The following SCMH1 variants were observed in gnomAD, a reference collection of about 807,000 sequenced individuals.
SCMH1 encodes polycomb protein SCMH1.
In SCMH1, 37 loss-of-function variants were observed where a neutral mutation model predicts 70.8. That is an observed-to-expected ratio of 0.52 (90% CI 0.40 to 0.69). The LOEUF (loss-of-function observed/expected upper bound fraction) is 0.69. Ranked by LOEUF, SCMH1 falls within the 30% of genes least tolerant of loss-of-function variation. SCMH1 has a pLI of 0.00. For synonymous variants in SCMH1, 292 were observed against 307.4 expected, an observed-to-expected ratio of 0.95 and a Z score of 0.52; for missense variants, 607 against 827.3, an observed-to-expected ratio of 0.73 and a Z score of 3.27.
intron 5 of SCMH1, among the ~76,000 whole-genome samples, chr1:41,149,967 T>G (rs1001038044): frequency 4.6e-5 from 7 of 152,182 alleles, no homozygotes. Context: ...GTGTGCAGCT[T>G]TCTCCTCCTG....
At chr1:41,072,481 A>G (rs907983579) in intron 9 of SCMH1, among the ~76,000 whole-genome samples, 6 of 152,224 alleles carry the variant, frequency 3.9e-5, no homozygotes, top group African/African-American at 1.4e-4. Context: ...CCAAAGTCAC[A>G]CAGGTGGTAA....
intron 10 of SCMH1, among the ~76,000 whole-genome samples, chr1:41,062,154 C>T (rs955007114): frequency 6.6e-6 from 1 of 152,022 alleles, no homozygotes; most frequent in Admixed American, 6.5e-5. Context: ...GCGTGAGCCA[C>T]CGCACCCAGC....
chr1:41,202,052 T>C (rs1265965078), intron 1 of SCMH1, among the ~76,000 whole-genome samples: 1 of 152,138 alleles, frequency 6.6e-6, no homozygotes, highest in South Asian at 2.1e-4. Context: ...TTTGAGTTTT[T>C]TTATTTTTGA....
chr1:41,115,653 T>C (rs1021555051), intron 7 of SCMH1, among the ~76,000 whole-genome samples: 9 of 152,226 alleles, frequency 5.9e-5, no homozygotes, highest in African/African-American at 2.2e-4. Flanking sequence ...TGGCCCAGGC[T>C]GGTCTCAAAT....
chr1:41,053,087 T>C lies in SCMH1; in HGVS notation c.1106-4197A>G, dbSNP rs918054326. Among the ~76,000 whole-genome samples, 30 of 13,480 alleles carry C rather than the reference T, an allele frequency of 2.2e-3. 1 individual carries two copies. Among genetic ancestry groups the C allele is most frequent in the Non-Finnish European group, 3.5e-4 (3 of 8,650 alleles). 8.8% of individuals were successfully genotyped at this position (13,480 alleles called of 152,430 possible). A position where few individuals can be genotyped will look rare whatever the true frequency, so the allele number is the denominator to read the frequency against. ...CACGTGCCATCACGCGAGGCTAATT[T>C]TTGTATTTTTAGTAGAGATGGGGTT... On this transcript the variant is annotated intron_variant, in intron 10 of 14. Transcript: ENST00000337495.
intron 2 of SCMH1, among the ~76,000 whole-genome samples, chr1:41,170,469 C>A (rs1646714234): frequency 6.6e-6 from 1 of 152,226 alleles, no homozygotes; most frequent in South Asian, 2.1e-4. Flanking sequence ...GAGAACTGAT[C>A]CATGAATAGA....
intron 6 of SCMH1, among the ~76,000 whole-genome samples, chr1:41,138,945 T>G (rs1369156898): frequency 6.6e-6 from 1 of 152,222 alleles, no homozygotes; most frequent in African/African-American, 2.4e-5. Flanking sequence ...AAAGGTTCTA[T>G]TGGCAGGGAA....
chr1:41,060,694 G>A (rs1652308891), intron 10 of SCMH1, among the ~76,000 whole-genome samples: 1 of 152,040 alleles, frequency 6.6e-6, no homozygotes, highest in South Asian at 2.1e-4. Flanking sequence ...ACCTAGGTTA[G>A]AGTGCAGTGG....
At chr1:41,185,987 G>T in intron 2 of SCMH1, 134 bp downstream of exon 2, 1 of 889,212 alleles carries the variant, frequency 1.1e-6, no homozygotes. Context: ...TCATGCCAAT[G>T]ACAAAAATGA....
At chr1:41,212,519 C>T (rs1316575722) in intron 1 of SCMH1, among the ~76,000 whole-genome samples, 1 of 151,940 alleles carries the variant, frequency 6.6e-6, no homozygotes, top group East Asian at 1.9e-4. Context: ...AGAGTGACAT[C>T]AAAGAACCAG....
At chr1:41,217,100 G>C (rs984644848) in intron 1 of SCMH1, among the ~76,000 whole-genome samples, 2 of 152,168 alleles carry the variant, frequency 1.3e-5, no homozygotes, top group African/African-American at 4.8e-5. Context: ...GATAGAAAAA[G>C]TCTAAATTTC....
chr1:41,095,282 T>C (rs547190741), intron 8 of SCMH1, among the ~76,000 whole-genome samples: 1 of 152,214 alleles, frequency 6.6e-6, no homozygotes, highest in Non-Finnish European at 1.5e-5. Flanking sequence ...TTATGTTTTA[T>C]TTCCCTAGCA....
At chr1:41,169,078 G>A (rs1009964651) in intron 2 of SCMH1, among the ~76,000 whole-genome samples, 1 of 152,328 alleles carries the variant, frequency 6.6e-6, no homozygotes, top group Middle Eastern at 3.4e-3. Flanking sequence ...ATCCTGAGGA[G>A]AAGCTCGTAG....
exon 12 of SCMH1, chr1:41,046,567 G>A: frequency 1.2e-6 from 2 of 1,614,196 alleles, no homozygotes; most frequent in Non-Finnish European, 1.7e-6. Context: ...CTGCTGGGAG[G>A]TTGAGGGTAT....
At chr1:41,242,135 A>G (rs1285087523), upstream of SCMH1, 2 of 138,216 alleles carry the variant, frequency 1.4e-5, no homozygotes, top group Non-Finnish European at 1.6e-5. This position sits in a 1 kb window ranked among gnomAD's most constrained non-coding sequence, Gnocchi z 5.2. Flanking sequence ...GAGGGAGCGG[A>G]GACGCGGGAA....
At position 41,063,393 on chromosome 1, in the gene SCMH1, A is replaced by C. The variant is rs943501871; in HGVS notation, c.1105+7202T>G. Among the ~76,000 whole-genome samples the C allele has an allele frequency of 3.8e-4, 58 of 152,190 alleles. 2 individuals are homozygous for C. Among genetic ancestry groups the C allele is most frequent in the Non-Finnish European group, 2.9e-5 (2 of 67,998 alleles). ...GAGGCTGAGGCAGGAGAATCACTTG[A>C]ACCTGGGAGGTGGAAGTTGCAGTGA... On this transcript the variant is annotated intron_variant, in intron 10 of 14. Coordinates refer to ENST00000337495, the Ensembl canonical transcript of SCMH1.
intron 4 of SCMH1, among the ~76,000 whole-genome samples, chr1:41,159,395 C>T (rs374795725): frequency 1.3e-5 from 2 of 152,272 alleles, no homozygotes; most frequent in African/African-American, 2.4e-5. Context: ...TTCATATTAG[C>T]GACAAAACCA....
chr1:41,034,414 G>C (rs1645006618), intron 13 of SCMH1, among the ~76,000 whole-genome samples: 2 of 151,744 alleles, frequency 1.3e-5, no homozygotes, highest in Non-Finnish European at 2.9e-5. Flanking sequence ...TGCAAACTCG[G>C]CCTCCTGGGT....
rs1452643505 is a variant in SCMH1 at position 41,048,742 on chromosome 1, C to A, written c.1254G>T (p.Gln418His). The stretch of plus-strand genomic sequence containing the variant: ...GCTTGAGGAAGCTGAAGACGGTTTT[C>A]TGGTGATAAGCACAGTCGATACAGG... Residue 418 changes from glutamine to histidine, a missense_variant, in exon 11 of 15, where the codon CAG (glutamine) becomes CAT (histidine). Physicochemically the swap from Gln to His is conservative, Grantham distance 24. This residue lies in a region of SCMH1 where 430 missense variants were observed against 528.2 expected (regional missense o/e 0.81). Transcript: ENST00000337495. The A allele has an allele frequency of 7.4e-6, 12 of 1,614,054 alleles. No individual in the cohort carries two copies. Among genetic ancestry groups the A allele is most frequent in the Non-Finnish European group, 8.5e-6 (10 of 1,180,046 alleles).
Sources: gnomAD v4.1 joint callset for allele counts (sites outside exome capture counted in the v4.1 genomes callset) on GRCh38, gnomAD v4.1.1 for gene constraint, gnomAD v4.1.1 regional missense constraint, Gnocchi (gnomAD v3.1) non-coding constraint, MANE v1.5 for transcripts, NCBI Gene and HGNC (gene_info 2026-07-23, HGNC 2026-07-21) for gene names.